The following COQ2 variants were observed in gnomAD, a reference collection of about 807,000 sequenced individuals.
COQ2 encodes coenzyme Q2, polyprenyltransferase.
In COQ2, 25 loss-of-function variants were observed where a neutral mutation model predicts 35.7. That is an observed-to-expected ratio of 0.70 (90% CI 0.51 to 0.98). COQ2 has a LOEUF of 0.98. COQ2 is among the 50% of genes least tolerant of loss of function. The pLI, the probability that COQ2 is intolerant of heterozygous loss-of-function variation, is 0.00. For missense variants in COQ2, 488 were observed against 473.5 expected (o/e 1.03, Z -0.28); for synonymous variants, 206 against 186.2 (o/e 1.11, Z -0.86).
intron 6 of COQ2, chr4:83,267,179 C>T: frequency 2.2e-6 from 1 of 453,592 alleles, no homozygotes; most frequent in Non-Finnish European, 4.4e-6. Flanking sequence ...AATTTCAGAC[C>T]AGCCTGGGCA....
chr4:83,274,804 G>C (rs1735130294), intron 2 of COQ2, among the ~76,000 whole-genome samples: 1 of 152,120 alleles, frequency 6.6e-6, no homozygotes, highest in African/African-American at 2.4e-5. Context: ...CAAGACTCAT[G>C]AAACAAATAT....
At chr4:83,278,689 C>T (rs978101984) in intron 2 of COQ2, among the ~76,000 whole-genome samples, 3 of 152,234 alleles carry the variant, frequency 2.0e-5, no homozygotes, top group African/African-American at 7.2e-5. Flanking sequence ...CCCTCACCCT[C>T]AGTCTTCCAA....
chr4:83,284,571 T>G lies in COQ2; in HGVS notation c.194A>C (p.Asp65Ala), dbSNP rs375934957. 1,458 of 1,557,410 alleles carry G rather than the reference T, an allele frequency of 9.4e-4. 15 individuals are homozygous for G. The African/African-American group carries it at 0.018, about 19-fold the overall frequency. The change falls in exon 1 of 7, where the codon GAC (aspartate) becomes GCC (alanine). Residue 65 changes from aspartate (D) to alanine (A), a missense_variant. Coordinates refer to ENST00000647002, the MANE Select transcript of COQ2 (RefSeq NM_001358921.2). ...CGGCTGCAGGGGGCGGGGCGCAGAGTCCACCACCGCCGCCGCGGACAAACT... is the reference window on the plus strand; with the variant it reads ...CGGCTGCAGGGGGCGGGGCGCAGAGGCCACCACCGCCGCCGCGGACAAACT... ...QLSLSAAAVV[D>A]SAPRPLQPYL...
intron 2 of COQ2, among the ~76,000 whole-genome samples, chr4:83,274,778 C>G (rs553595913): frequency 4.1e-4 from 62 of 152,272 alleles, no homozygotes; most frequent in Non-Finnish European, 6.9e-4. Flanking sequence ...GCCCCAACCC[C>G]TTTCTCCTGT....
intron 2 of COQ2, among the ~76,000 whole-genome samples, chr4:83,278,718 A>G (rs1472000183): frequency 1.3e-5 from 2 of 152,248 alleles, no homozygotes; most frequent in Non-Finnish European, 2.9e-5. Context: ...TTCACTTTAT[A>G]ATAATAAAGT....
At chr4:83,272,878 A>G (rs970313942) in intron 3 of COQ2, among the ~76,000 whole-genome samples, 1 of 152,196 alleles carries the variant, frequency 6.6e-6, no homozygotes, top group African/African-American at 2.4e-5. Flanking sequence ...AACCTTCCAA[A>G]GGTATTGTCA....
At chr4:83,278,125 T>C (rs1030208440) in intron 2 of COQ2, among the ~76,000 whole-genome samples, 1 of 151,924 alleles carries the variant, frequency 6.6e-6, no homozygotes, top group Non-Finnish European at 1.5e-5. Flanking sequence ...TAACTTTATA[T>C]AAGATTATTC....
At chr4:83,283,642 T>C (rs1735380601) in intron 1 of COQ2, 1 of 985,342 alleles carries the variant, frequency 1.0e-6, no homozygotes, top group Admixed American at 6.1e-5. Flanking sequence ...CAAATAGTCT[T>C]TTTCAACTAG....
intron 1 of COQ2, 79 bp from the exon 2 acceptor site, chr4:83,279,193 A>G (rs1449143281): frequency 1.4e-6 from 2 of 1,417,560 alleles, no homozygotes; most frequent in African/African-American, 3.0e-5. Flanking sequence ...ATCACATACC[A>G]AAGAAATAAA....
chr4:83,283,631 C>T (rs896877120), intron 1 of COQ2: 5 of 985,306 alleles, frequency 5.1e-6, no homozygotes, highest in East Asian at 1.1e-4. Context: ...TCCTAGCTCA[C>T]CAAATAGTCT....
At chr4:83,265,830 A>G (rs1392762804) in intron 6 of COQ2, among the ~76,000 whole-genome samples, 3 of 151,774 alleles carry the variant, frequency 2.0e-5, no homozygotes, top group Non-Finnish European at 2.9e-5. Flanking sequence ...ATGCCCAGCT[A>G]ATTTTTGTAT....
At position 83,264,083 on chromosome 4, in the gene COQ2, T is replaced by C; in HGVS notation, c.*116A>G. On this transcript the variant is annotated 3_prime_UTR_variant, in exon 7 of 7. Coordinates refer to ENST00000647002, the MANE Select transcript of COQ2 (RefSeq NM_001358921.2). ...ATAAGTAAAATCCAGGTAAATATGC[T>C]CTAAATCTTCATCTTCAGGTTCTTA... is the stretch of plus-strand genomic sequence containing the variant. 1 of 699,984 alleles carries C rather than the reference T, an allele frequency of 1.4e-6. No homozygotes were observed. The allele number at this position is 699,984 out of a possible 1,614,324, so 43.4% of individuals were successfully genotyped here.
chr4:83,271,653 A>C (rs1041693863), intron 4 of COQ2, among the ~76,000 whole-genome samples: 1 of 152,128 alleles, frequency 6.6e-6, no homozygotes, highest in Non-Finnish European at 1.5e-5. Flanking sequence ...TCTCTACAAG[A>C]AATACAAAAA....
At chr4:83,275,756 C>T (rs986394328) in intron 2 of COQ2, among the ~76,000 whole-genome samples, 3 of 151,916 alleles carry the variant, frequency 2.0e-5, no homozygotes, top group African/African-American at 7.2e-5. Context: ...AGTCTGTCTA[C>T]CAAATAAGAT....
rs148973580 is a variant in COQ2 at position 83,264,076 on chromosome 4, A to G, written c.*123T>C. ...CTAGCAAATAAGTAAAATCCAGGTA[A>G]ATATGCTCTAAATCTTCATCTTCAG... On this transcript the variant is annotated 3_prime_UTR_variant, in exon 7 of 7. Transcript: ENST00000647002. 6.5e-4 allele frequency: 433 copies of G among 665,170 alleles called. No homozygotes were observed. In the African/African-American group the frequency reaches 7.5e-3, roughly 12 times the overall value. 41.2% of individuals were successfully genotyped at this position (665,170 alleles called of 1,614,324 possible).
At chr4:83,282,651 G>T in intron 1 of COQ2, 1 of 364,390 alleles carries the variant, frequency 2.7e-6, no homozygotes, top group Non-Finnish European at 3.8e-6. Context: ...CACATATTAT[G>T]ACAGGCACTG....
At chr4:83,279,678 A>G (rs1386283143) in intron 1 of COQ2, among the ~76,000 whole-genome samples, 1 of 152,144 alleles carries the variant, frequency 6.6e-6, no homozygotes, top group African/African-American at 2.4e-5. Context: ...CTAGAAACAT[A>G]TAATAATGGT....
At chr4:83,277,325 ATG>A (rs1467791299) in intron 2 of COQ2, among the ~76,000 whole-genome samples, 2 of 152,142 alleles carry the variant, frequency 1.3e-5, no homozygotes, top group Non-Finnish European at 2.9e-5. Context: ...CACACAGACC[ATG>A]TAGTTGCTGC....
intron 6 of COQ2, among the ~76,000 whole-genome samples, chr4:83,265,264 A>T (rs1734886079): frequency 6.6e-6 from 1 of 152,140 alleles, no homozygotes; most frequent in Non-Finnish European, 1.5e-5. Flanking sequence ...ATCTTTAAAC[A>T]CTGTATCGAA....
Sources: allele counts gnomAD v4.1 joint callset (sites outside exome capture counted in the v4.1 genomes callset), GRCh38; gene constraint gnomAD v4.1.1; transcripts MANE v1.5; gene names NCBI Gene and HGNC (gene_info 2026-07-23, HGNC 2026-07-21).